Variants in RIC3 observed in about 807,000 individuals in gnomAD.
The protein encoded by RIC3 is protein RIC-3.
RIC3 carries 28 observed loss-of-function variants against 27.3 expected under a neutral mutation model. The observed-to-expected ratio is 1.02, with a 90% CI of 0.76 to 1.41. RIC3 has a LOEUF of 1.41. RIC3 is among the 40% of genes most tolerant of loss of function. The probability of loss-of-function intolerance (pLI) is 0.00; values close to 1 mark genes in which losing one functional copy is unlikely to be tolerated. For synonymous variants in RIC3, 184 were observed against 160.4 expected (o/e 1.15, Z -1.11); for missense variants, 501 against 444.7 (o/e 1.13, Z -1.14).
At chr11:8,158,135 G>A (rs938253161) in intron 1 of RIC3, among the ~76,000 whole-genome samples, 9 of 152,106 alleles carry the variant, frequency 5.9e-5, no homozygotes. Flanking sequence ...GTATATGTAT[G>A]TCATACATGT....
rs114693144 is a variant in RIC3, at chr11:8,131,320, A to G, written c.522-4513T>C. 1.2e-3 allele frequency among the ~76,000 whole-genome samples: 188 copies of G among 152,372 alleles called. 1 individual carries two copies. Among genetic ancestry groups the G allele is most frequent in the African/African-American group, 4.2e-3 (174 of 41,588 alleles). ...TTGATGAGATATGGGAAGTAAAATA[A>G]AAGGTCAATCAAGGATAACATCTAA... On this transcript the variant is annotated intron_variant, in intron 4 of 5. Coordinates refer to ENST00000309737, the MANE Select transcript of RIC3 (RefSeq NM_001206671.4).
intron 1 of RIC3, among the ~76,000 whole-genome samples, chr11:8,146,522 T>A (rs1949697061): frequency 6.6e-6 from 1 of 150,460 alleles, no homozygotes; most frequent in South Asian, 2.1e-4. Flanking sequence ...AAGTTGTCGA[T>A]GAAGAGTCAA....
rs1385462336 is a variant in RIC3 at position 8,117,052 on chromosome 11, A to T, written c.671-5915T>A. ...AATAAAGAAAATGTGGCACATATACACAACAGAATAGTACTTAGCATTTTT... is the reference window on the plus strand; with the variant it reads ...AATAAAGAAAATGTGGCACATATACTCAACAGAATAGTACTTAGCATTTTT... On this transcript the variant is annotated intron_variant, in intron 5 of 5. Coordinates refer to ENST00000309737, the MANE Select transcript of RIC3 (RefSeq NM_001206671.4). Among the ~76,000 whole-genome samples, 3 of 152,136 alleles carry T rather than the reference A, an allele frequency of 2.0e-5. No homozygotes were observed. The East Asian group carries it at 5.8e-4, about 29-fold the overall frequency.
At chr11:8,126,911 T>C (rs1947051319) in intron 4 of RIC3, 104 bp from the exon 5 acceptor site, 2 of 1,309,598 alleles carry the variant, frequency 1.5e-6, no homozygotes, top group Admixed American at 3.5e-5. Flanking sequence ...AAAGTGCAAT[T>C]GCAGCAGATA....
downstream of RIC3, chr11:8,103,037 T>C (rs1944371448): frequency 1.3e-5 from 2 of 152,294 alleles, no homozygotes; most frequent in Non-Finnish European, 2.9e-5. Flanking sequence ...GAAAGTTGTC[T>C]GGCTTTTTGC....
intron 1 of RIC3, among the ~76,000 whole-genome samples, chr11:8,141,645 C>T (rs945852134): frequency 2.6e-5 from 4 of 151,872 alleles, no homozygotes; most frequent in African/African-American, 9.7e-5. Flanking sequence ...CAAGGATACC[C>T]AGGAATTGAA....
intron 1 of RIC3, among the ~76,000 whole-genome samples, chr11:8,157,819 C>T (rs1200075436): frequency 6.6e-6 from 1 of 152,118 alleles, no homozygotes; most frequent in Non-Finnish European, 1.5e-5. Flanking sequence ...ACTGATCAAG[C>T]AAGGTATTCC....
intron 1 of RIC3, among the ~76,000 whole-genome samples, chr11:8,146,759 C>A (rs966942815): frequency 6.6e-5 from 10 of 152,032 alleles, no homozygotes; most frequent in Non-Finnish European, 1.3e-4. Flanking sequence ...GTGCTTCTAG[C>A]CTACAGGTAG....
At chr11:8,152,255 A>T (rs1401855844) in intron 1 of RIC3, among the ~76,000 whole-genome samples, 1 of 152,234 alleles carries the variant, frequency 6.6e-6, no homozygotes, top group African/African-American at 2.4e-5. Context: ...GTATACAGCC[A>T]GGAATATGCT....
downstream of RIC3, chr11:8,102,413 G>A (rs1429861826): frequency 6.6e-6 from 1 of 152,224 alleles, no homozygotes; most frequent in Non-Finnish European, 1.5e-5. Flanking sequence ...CAGGGTCCCT[G>A]GATCAGGGTT....
At chr11:8,151,098 A>T (rs1950181058) in intron 1 of RIC3, among the ~76,000 whole-genome samples, 1 of 152,226 alleles carries the variant, frequency 6.6e-6, no homozygotes, top group Admixed American at 6.5e-5. Context: ...TTTCTTAGAC[A>T]GGACACCAAA....
chr11:8,118,083 C>T (rs966992564), intron 5 of RIC3, among the ~76,000 whole-genome samples: 6 of 151,790 alleles, frequency 4.0e-5, no homozygotes, highest in African/African-American at 9.7e-5. Flanking sequence ...ATTAGCCAGG[C>T]GTGGTGGCAG....
At chr11:8,104,385 T>G (rs1026941381), downstream of RIC3, 1 of 152,330 alleles carries the variant, frequency 6.6e-6, no homozygotes, top group African/African-American at 2.4e-5. Context: ...AAGTCTAGCT[T>G]TCCTTTCCTT....
Position 8,106,484 on chromosome 11 carries a change from G to A in RIC3, c.*4214C>T, listed in dbSNP as rs1483656577. 1 of 152,214 alleles carries A rather than the reference G, an allele frequency of 6.6e-6. No individual in the cohort carries two copies. The highest frequency in any genetic ancestry group is 1.5e-5 in the Non-Finnish European group (1 of 68,056). 9.4% of individuals were successfully genotyped at this position (152,214 alleles called of 1,614,324 possible). On this transcript the variant is annotated 3_prime_UTR_variant, in exon 6 of 6. Transcript: ENST00000309737. ...GCTGGAAAAATGGTGAAGTCAGAAG[G>A]TACTTAAGTTAGAGCAGTTCTCTTC...
rs118112091 is a variant in RIC3 at position 8,152,476 on chromosome 11, T to C, written c.125-12283A>G. Among the ~76,000 whole-genome samples, 67 of 152,314 alleles carry C rather than the reference T, an allele frequency of 4.4e-4. 1 individual carries two copies. In the East Asian group the frequency reaches 0.011, roughly 25 times the overall value. ...ATACAGCCAGTCATGGAAAACCACATATTATATGGTTCCATTAATAAGAAA... is the reference window on the plus strand; with the variant it reads ...ATACAGCCAGTCATGGAAAACCACACATTATATGGTTCCATTAATAAGAAA... On this transcript the variant is annotated intron_variant, in intron 1 of 5. Coordinates refer to ENST00000309737, the MANE Select transcript of RIC3 (RefSeq NM_001206671.4).
downstream of RIC3, chr11:8,101,496 C>T (rs749055783): frequency 7.7e-5 from 125 of 1,614,082 alleles, no homozygotes; most frequent in Middle Eastern, 3.3e-4. Flanking sequence ...CGGACTACAT[C>T]GTGATGCAGT....
downstream of RIC3, chr11:8,104,605 T>C (rs990197116): frequency 2.0e-5 from 3 of 152,216 alleles, no homozygotes; most frequent in African/African-American, 7.2e-5. Context: ...ACAGAAGGTA[T>C]ACCTGGGAAG....
intron 5 of RIC3, among the ~76,000 whole-genome samples, chr11:8,124,083 G>GAAAGAA (rs772490523): frequency 1.8e-4 from 26 of 148,094 alleles, no homozygotes; most frequent in East Asian, 1.6e-3. Flanking sequence ...AAGAAAGAAA[G>GAAAGAA]AAAGAAAAAG....
chr11:8,110,611 A>G lies in RIC3; in HGVS notation c.*87T>C. On this transcript the variant is annotated 3_prime_UTR_variant, in exon 6 of 6. Coordinates refer to ENST00000309737, the MANE Select transcript of RIC3 (RefSeq NM_001206671.4). ...TATGACACTTGAACACAGTGAAGAA[A>G]GTGCAGGGCACAGGGCCAAGAAGGA... is the stretch of plus-strand genomic sequence containing the variant. The G allele has an allele frequency of 8.6e-7, 1 of 1,164,890 alleles. No homozygotes were observed. The highest frequency in any genetic ancestry group is 1.3e-6 in the Non-Finnish European group (1 of 777,010). 72.2% of individuals were successfully genotyped at this position (1,164,890 alleles called of 1,614,324 possible). A position where few individuals can be genotyped will look rare whatever the true frequency, so the allele number is the denominator to read the frequency against.
Sources: gnomAD v4.1 joint callset for allele counts (sites outside exome capture counted in the v4.1 genomes callset) on GRCh38, gnomAD v4.1.1 for gene constraint, MANE v1.5 for transcripts, NCBI Gene and HGNC (gene_info 2026-07-23, HGNC 2026-07-21) for gene names.